USP32: variants seen among roughly 807,000 people sequenced by gnomAD.
USP32 encodes the protein ubiquitin specific peptidase 32.
In USP32, 59 loss-of-function variants were observed where a neutral mutation model predicts 204.8. That is an observed-to-expected ratio of 0.29 (90% CI 0.23 to 0.36). USP32 has a LOEUF of 0.36. USP32 is among the 10% of genes least tolerant of loss of function. The probability of loss-of-function intolerance (pLI) is 1.00; values close to 1 mark genes in which losing one functional copy is unlikely to be tolerated. For synonymous variants in USP32, 517 were observed against 678.4 expected, an observed-to-expected ratio of 0.76 and a Z score of 3.70; for missense variants, 1,160 against 1,946.4, an observed-to-expected ratio of 0.60 and a Z score of 7.60.
intron 2 of USP32, among the ~76,000 whole-genome samples, chr17:60,334,564 C>T (rs1320286025): frequency 6.7e-6 from 1 of 148,258 alleles, no homozygotes; most frequent in Non-Finnish European, 1.5e-5. Flanking sequence ...TGGTTGCAGG[C>T]GCCTGTAGTC....
chr17:60,191,230 T>G (rs2084371272), intron 28 of USP32, among the ~76,000 whole-genome samples: 1 of 151,552 alleles, frequency 6.6e-6, no homozygotes, highest in Non-Finnish European at 1.5e-5. Context: ...GGTGAAACCC[T>G]GTCTCTACTA....
intron 16 of USP32, among the ~76,000 whole-genome samples, chr17:60,218,331 C>G (rs1037630797): frequency 6.6e-6 from 1 of 151,914 alleles, no homozygotes; most frequent in African/African-American, 2.4e-5. Context: ...TTGCAGTGAG[C>G]CGAGATCGTG....
Position 60,208,747 on chromosome 17 carries a change from T to G in USP32, c.2680A>C (p.Lys894Gln). Reference sequence around the variant, plus strand: ...CGGACACTTATATGCCCACATGTCTTGCATTTTACTTGAGATCTTAGCTGC... The same window carrying G: ...CGGACACTTATATGCCCACATGTCTGGCATTTTACTTGAGATCTTAGCTGC... ...HGQLRSQVKC[K>Q]TCGHISVRFD... The change falls in exon 23 of 34, where the codon AAG becomes CAG. Residue 894 changes from lysine to glutamine, a missense_variant. Coordinates refer to ENST00000300896, the MANE Select transcript of USP32 (RefSeq NM_032582.4). 7 of 1,605,938 alleles carry G rather than the reference T, an allele frequency of 4.4e-6. No homozygotes were observed. The highest frequency in any genetic ancestry group is 5.9e-6 in the Non-Finnish European group (7 of 1,177,284).
chr17:60,191,347 A>G (rs2084374319), intron 28 of USP32, among the ~76,000 whole-genome samples: 1 of 134,520 alleles, frequency 7.4e-6, no homozygotes, highest in Non-Finnish European at 1.6e-5. Context: ...GGTTGCAGTG[A>G]GCCGAGGTTG....
intron 5 of USP32, among the ~76,000 whole-genome samples, chr17:60,277,167 T>A (rs1234230879): frequency 1.3e-5 from 2 of 152,140 alleles, no homozygotes; most frequent in South Asian, 4.1e-4. Context: ...GGTATAATTT[T>A]TTCTGGGTCA....
intron 2 of USP32, among the ~76,000 whole-genome samples, chr17:60,326,316 T>G (rs895286981): frequency 3.0e-4 from 45 of 152,090 alleles, no homozygotes; most frequent in African/African-American, 1.1e-3. Flanking sequence ...TTTCTTTTTT[T>G]TTTTTCCTTT....
upstream of USP32, chr17:60,392,650 A>C (rs1302884432): frequency 2.2e-6 from 1 of 450,356 alleles, no homozygotes; most frequent in African/African-American, 2.0e-5. Flanking sequence ...GTGGGTAGGC[A>C]GGGAGCTCCC....
chr17:60,275,642 C>T (rs1253693192), intron 5 of USP32, among the ~76,000 whole-genome samples: 1 of 152,018 alleles, frequency 6.6e-6, no homozygotes, highest in Non-Finnish European at 1.5e-5. Flanking sequence ...GTCAGTTTAG[C>T]AAAGTAACTC....
intron 2 of USP32, among the ~76,000 whole-genome samples, chr17:60,315,098 C>A (rs1294761114): frequency 6.6e-6 from 1 of 152,060 alleles, no homozygotes; most frequent in Non-Finnish European, 1.5e-5. Context: ...ACAAGAACGG[C>A]TATAATAAAA....
At position 60,236,160 on chromosome 17, in the gene USP32, T is replaced by C. The variant is rs1271101631; in HGVS notation, c.1217A>G (p.Gln406Arg). The change falls in exon 12 of 34, where the codon CAG becomes CGG. Residue 406 changes from glutamine (Q) to arginine (R), a missense_variant. Physicochemically the swap from Gln to Arg is conservative, Grantham distance 43 (BLOSUM62 1). This residue lies in a region of USP32 where 536 missense variants were observed against 680.9 expected (regional missense o/e 0.79). Coordinates refer to ENST00000300896, the MANE Select transcript of USP32 (RefSeq NM_032582.4). ...WFIISMQWWQ[Q>R]WKEYVKYDAN... ...CACGTATTTGACATATTCTTTCCACTGTTGCCACCACTGCATGGAGATGAT... is the reference window on the plus strand; with the variant it reads ...CACGTATTTGACATATTCTTTCCACCGTTGCCACCACTGCATGGAGATGAT... 3.1e-6 allele frequency: 5 copies of C among 1,613,960 alleles called. No homozygotes were observed. In the Admixed American group the frequency reaches 5.0e-5, roughly 16 times the overall value.
intron 11 of USP32, chr17:60,249,640 G>T: frequency 3.0e-6 from 2 of 669,044 alleles, no homozygotes; most frequent in South Asian, 3.2e-5. Flanking sequence ...GGGAGGAAAT[G>T]AAAGCTGCTC....
At chr17:60,214,382 T>C (rs1489989960) in intron 17 of USP32, among the ~76,000 whole-genome samples, 2 of 152,006 alleles carry the variant, frequency 1.3e-5, no homozygotes, top group South Asian at 2.1e-4. Flanking sequence ...AGTATACATA[T>C]AGTAACTTAA....
chr17:60,375,000 G>C (rs369737494), intron 1 of USP32, among the ~76,000 whole-genome samples: 1 of 152,214 alleles, frequency 6.6e-6, no homozygotes, highest in African/African-American at 2.4e-5. Flanking sequence ...TGAAAAAAGA[G>C]TAACAGCAAA....
At chr17:60,421,602 C>A (rs2090114826) in intron 1 of USP32, 2 of 982,136 alleles carry the variant, frequency 2.0e-6, no homozygotes, top group African/African-American at 1.7e-5. Flanking sequence ...GCGGGGGCAA[C>A]GGTCTCTCGT....
At chr17:60,256,649 T>C in intron 9 of USP32, 2 of 1,026,258 alleles carry the variant, frequency 1.9e-6, no homozygotes, top group Non-Finnish European at 2.3e-6. Context: ...TTAACAGGAG[T>C]GTCTAAATTG....
intron 1 of USP32, chr17:60,421,627 C>T (rs2090115700): frequency 1.2e-5 from 12 of 974,140 alleles, no homozygotes; most frequent in Non-Finnish European, 1.5e-5. Flanking sequence ...GGGACCCCGC[C>T]GTGTGCCGCC....
chr17:60,378,289 A>G (rs1361582020), intron 1 of USP32, among the ~76,000 whole-genome samples: 1 of 152,320 alleles, frequency 6.6e-6, no homozygotes, highest in East Asian at 1.9e-4. Flanking sequence ...AGAAAACAAA[A>G]TAACAAGTAT....
Position 60,252,374 on chromosome 17 carries a change from A to G in USP32, c.1136+7T>C. 2 of 1,606,914 alleles carry G rather than the reference A, an allele frequency of 1.2e-6. No homozygotes were observed. Among genetic ancestry groups the G allele is most frequent in the East Asian group, 2.2e-5 (1 of 44,490 alleles). On this transcript the variant is annotated splice_region_variant and intron_variant, in intron 11 of 33. Coordinates refer to ENST00000300896, the MANE Select transcript of USP32 (RefSeq NM_032582.4). Reference sequence around the variant, plus strand: ...TTTCAACTATATAATTGAAACTACAAATTTACCTAATAATTTGTCCTTCTT... The same window carrying G: ...TTTCAACTATATAATTGAAACTACAGATTTACCTAATAATTTGTCCTTCTT...
chr17:60,414,974 C>G (rs1415072257), intron 1 of USP32, among the ~76,000 whole-genome samples: 1 of 152,024 alleles, frequency 6.6e-6, no homozygotes, highest in Non-Finnish European at 1.5e-5. Context: ...ACCTCAGCCT[C>G]CTGAGTAGCT....
Sources: gnomAD v4.1 joint callset for allele counts (sites outside exome capture counted in the v4.1 genomes callset) on GRCh38, gnomAD v4.1.1 for gene constraint, gnomAD v4.1.1 regional missense constraint, MANE v1.5 for transcripts, NCBI Gene and HGNC (gene_info 2026-07-23, HGNC 2026-07-21) for gene names.